The following PRR16 variants were observed in gnomAD, a reference collection of about 807,000 sequenced individuals.
PRR16 encodes proline rich 16, also known as protein Largen.
A neutral mutation model predicts 18.2 loss-of-function variants in PRR16; 6 were observed. That is an observed-to-expected ratio of 0.33 (90% confidence interval 0.18 to 0.65). The LOEUF (loss-of-function observed/expected upper bound fraction) is 0.65. PRR16 is among the 30% of genes least tolerant of loss of function. PRR16 has a pLI of 0.74. For missense variants in PRR16, 412 were observed against 376.6 expected (o/e 1.09, Z -0.78); for synonymous variants, 151 against 147.8 (o/e 1.02, Z -0.16).
intron 1 of PRR16, among the ~76,000 whole-genome samples, chr5:120,611,963 A>T (rs1388891102): frequency 6.6e-6 from 1 of 152,202 alleles, no homozygotes; most frequent in East Asian, 1.9e-4. Context: ...CTGCACAGCC[A>T]TGGGGGCGGA....
At chr5:120,598,818 C>A (rs1753894307) in intron 1 of PRR16, among the ~76,000 whole-genome samples, 1 of 151,928 alleles carries the variant, frequency 6.6e-6, no homozygotes, top group East Asian at 1.9e-4. Flanking sequence ...ATTTTTTTAT[C>A]CAATACCCAG....
intron 1 of PRR16, among the ~76,000 whole-genome samples, chr5:120,614,944 A>G (rs1038301319): frequency 1.4e-4 from 21 of 152,154 alleles, no homozygotes; most frequent in Non-Finnish European, 3.1e-4. Context: ...ATTAATTACA[A>G]AGCCCAAGTT....
At chr5:120,688,693 C>G (rs888354957), downstream of PRR16, among the ~76,000 whole-genome samples, 1 of 152,202 alleles carries the variant, frequency 6.6e-6, no homozygotes, top group Admixed American at 6.5e-5. Flanking sequence ...CCACCAGTTA[C>G]TGTGACCTAA....
At chr5:120,500,016 A>T (rs921782) in intron 1 of PRR16, among the ~76,000 whole-genome samples, 1 of 151,806 alleles carries the variant, frequency 6.6e-6, no homozygotes, top group African/African-American at 2.4e-5. Flanking sequence ...TCCAGTCTCT[A>T]TCCTTACTCA....
Position 120,672,287 on chromosome 5 carries a change from G to A in PRR16, c.160-13667G>A, listed in dbSNP as rs183537767. Among the ~76,000 whole-genome samples, 259 of 122,930 alleles carry A rather than the reference G, an allele frequency of 2.1e-3. 2 individuals are homozygous for A. The highest frequency in any genetic ancestry group is 4.6e-3 in the Admixed American group (55 of 11,988). The allele number at this position is 122,930 out of a possible 152,430, so 80.6% of individuals were successfully genotyped here. On this transcript the variant is annotated intron_variant, in intron 1 of 1. Coordinates refer to ENST00000407149, the MANE Select transcript of PRR16 (RefSeq NM_001300783.2). Reference sequence around the variant, plus strand: ...GTGTGTGTGTGTGTGTGTGTTGTGGGGGGAAACAGAGGAACTAGTCCTAAG... The same window carrying A: ...GTGTGTGTGTGTGTGTGTGTTGTGGAGGGAAACAGAGGAACTAGTCCTAAG...
the PRR16 span, among the ~76,000 whole-genome samples, chr5:120,791,373 T>G: frequency 6.6e-6 from 1 of 152,220 alleles, no homozygotes; most frequent in East Asian, 1.9e-4. Context: ...AAGGGCTATT[T>G]TAACATTATA....
the PRR16 span, among the ~76,000 whole-genome samples, chr5:120,756,380 T>C: frequency 1.3e-5 from 2 of 152,098 alleles, no homozygotes; most frequent in Non-Finnish European, 1.5e-5. Context: ...CCAAACTGCC[T>C]TCCAAAGTGG....
At chr5:120,611,258 A>C (rs189781450) in intron 1 of PRR16, among the ~76,000 whole-genome samples, 104 of 152,356 alleles carry the variant, frequency 6.8e-4, no homozygotes, top group Non-Finnish European at 1.1e-3. Flanking sequence ...GACAGTTTGC[A>C]GCCTGACTAT....
At chr5:120,534,943 A>T (rs921528236) in intron 1 of PRR16, among the ~76,000 whole-genome samples, 1 of 152,208 alleles carries the variant, frequency 6.6e-6, no homozygotes, top group Admixed American at 6.5e-5. Flanking sequence ...TAAATATTTT[A>T]TCAGGACTTT....
the PRR16 span, among the ~76,000 whole-genome samples, chr5:120,784,684 A>C: frequency 5.3e-4 from 81 of 152,320 alleles, no homozygotes; most frequent in African/African-American, 1.9e-3. Flanking sequence ...AGCTAGATTA[A>C]ATATAATTTT....
At chr5:120,616,386 T>G (rs1580791477) in intron 1 of PRR16, among the ~76,000 whole-genome samples, 1 of 152,178 alleles carries the variant, frequency 6.6e-6, no homozygotes, top group African/African-American at 2.4e-5. Context: ...CTTAGAATCC[T>G]TATAGTATCA....
At chr5:120,597,116 TTACG>T (rs887933008) in intron 1 of PRR16, among the ~76,000 whole-genome samples, 1 of 151,726 alleles carries the variant, frequency 6.6e-6, no homozygotes, top group Non-Finnish European at 1.5e-5. Context: ...ATTTTTTTGC[TTACG>T]TAAGTTATAT....
the PRR16 span, among the ~76,000 whole-genome samples, chr5:120,708,999 T>A: frequency 2.6e-4 from 1 of 3,854 alleles, no homozygotes; most frequent in Non-Finnish European, 8.4e-4. Context: ...TTTTTTTTTT[T>A]TTTTTTTTTT....
intron 1 of PRR16, among the ~76,000 whole-genome samples, chr5:120,565,527 T>C (rs1385684077): frequency 2.6e-5 from 4 of 152,210 alleles, no homozygotes; most frequent in South Asian, 4.1e-4. Flanking sequence ...CCATGTTTGA[T>C]TGAATTTCTA....
At chr5:120,779,276 G>C in the PRR16 span, among the ~76,000 whole-genome samples, 3 of 152,210 alleles carry the variant, frequency 2.0e-5, no homozygotes, top group Non-Finnish European at 4.4e-5. Flanking sequence ...AGGAAAACAG[G>C]GATTTAGGAT....
chr5:120,715,286 A>C, the PRR16 span, among the ~76,000 whole-genome samples: 1 of 152,288 alleles, frequency 6.6e-6, no homozygotes, highest in East Asian at 1.9e-4. Flanking sequence ...AAAATTAATT[A>C]CTGGACTTTA....
the PRR16 span, among the ~76,000 whole-genome samples, chr5:120,735,252 C>T: frequency 6.6e-6 from 1 of 152,112 alleles, no homozygotes; most frequent in Non-Finnish European, 1.5e-5. Flanking sequence ...TTTGCTTATC[C>T]ATTGATCTGT....
intron 1 of PRR16, among the ~76,000 whole-genome samples, chr5:120,529,366 A>G (rs1402941873): frequency 6.6e-6 from 1 of 152,174 alleles, no homozygotes; most frequent in African/African-American, 2.4e-5. Context: ...GATAGTGTTC[A>G]ACAATGGCTT....
At chr5:120,782,785 T>TC in the PRR16 span, among the ~76,000 whole-genome samples, 20 of 151,798 alleles carry the variant, frequency 1.3e-4, no homozygotes, top group African/African-American at 4.6e-4. Context: ...TTGTGGCTGG[T>TC]CCTGGTAATT....
Sources: allele counts gnomAD v4.1 joint callset (sites outside exome capture counted in the v4.1 genomes callset), GRCh38; gene constraint gnomAD v4.1.1; transcripts MANE v1.5; gene names NCBI Gene and HGNC (gene_info 2026-07-23, HGNC 2026-07-21).